STK4: variants seen among roughly 807,000 people sequenced by gnomAD.
STK4 encodes serine/threonine-protein kinase 4.
STK4 carries 30 observed loss-of-function variants against 64.9 expected under a neutral mutation model. That is an observed-to-expected ratio of 0.46 (90% CI 0.35 to 0.63). The LOEUF is 0.63. Ranked by LOEUF, STK4 falls within the 20% of genes least tolerant of loss-of-function variation. STK4 has a pLI of 0.01. For synonymous variants in STK4, 177 were observed against 199.0 expected (o/e 0.89, Z 0.93); for missense variants, 466 against 598.5 (o/e 0.78, Z 2.31).
At chr20:45,002,737 C>T (rs2067863377) in intron 9 of STK4, among the ~76,000 whole-genome samples, 1 of 152,156 alleles carries the variant, frequency 6.6e-6, no homozygotes, top group Non-Finnish European at 1.5e-5. Flanking sequence ...ATTTCAGCCC[C>T]ACCTCACCAA....
At chr20:44,980,092 C>T (rs2067411251) in intron 3 of STK4, among the ~76,000 whole-genome samples, 2 of 152,102 alleles carry the variant, frequency 1.3e-5, no homozygotes, top group African/African-American at 4.8e-5. Context: ...ACTAATTGGA[C>T]AGGCTAAGTA....
At chr20:45,047,186 A>G (rs2145430598) in intron 10 of STK4, among the ~76,000 whole-genome samples, 1 of 152,288 alleles carries the variant, frequency 6.6e-6, no homozygotes, top group East Asian at 1.9e-4. Context: ...TAAATGTTTT[A>G]TACCATCTTC....
chr20:44,976,576 A>G (rs74648105), intron 2 of STK4, among the ~76,000 whole-genome samples: 3 of 152,226 alleles, frequency 2.0e-5, no homozygotes, highest in Non-Finnish European at 4.4e-5. Flanking sequence ...GAACACTGCA[A>G]CAACAGTGCT....
At chr20:44,989,155 G>A (rs2067589725) in intron 5 of STK4, among the ~76,000 whole-genome samples, 1 of 152,176 alleles carries the variant, frequency 6.6e-6, no homozygotes, top group Admixed American at 6.5e-5. Flanking sequence ...GGATCACATG[G>A]TAACTCTGTG....
chr20:44,980,680 T>C lies in STK4; in HGVS notation c.246-1149T>C, dbSNP rs191537852. Among the ~76,000 whole-genome samples, 21 of 152,368 alleles carry C rather than the reference T, an allele frequency of 1.4e-4. No individual in the cohort carries two copies. In the East Asian group the frequency reaches 4.0e-3, roughly 29 times the overall value. On this transcript the variant is annotated intron_variant, in intron 3 of 10. Coordinates refer to ENST00000372806, the MANE Select transcript of STK4 (RefSeq NM_006282.5). ...TGGAGAAATCATCATTTTTTCTTTT[T>C]TTTGAGACGGAGTCTCCTCACTCTG... is the stretch of plus-strand genomic sequence containing the variant.
At chr20:45,051,064 T>C (rs2068769489) in intron 10 of STK4, among the ~76,000 whole-genome samples, 2 of 152,218 alleles carry the variant, frequency 1.3e-5, no homozygotes, top group Admixed American at 6.5e-5. Context: ...AACTTTCCAC[T>C]TCAAACTCTG....
chr20:45,006,070 C>T (rs2067937739), intron 9 of STK4, among the ~76,000 whole-genome samples: 1 of 150,292 alleles, frequency 6.7e-6, no homozygotes, highest in Non-Finnish European at 1.5e-5. Context: ...AACTTATTGT[C>T]TCTATGTTGG....
At chr20:44,988,387 C>T (rs6130722) in intron 5 of STK4, among the ~76,000 whole-genome samples, 18,781 of 150,822 alleles carry the variant, frequency 0.12, 1,536 homozygotes, top group East Asian at 0.22. Context: ...TGGTAGCGCA[C>T]GCCTGTAATC....
In STK4 at chr20:45,025,025, A is replaced by G. The variant is rs775761766; in HGVS notation, c.1200A>G (p.Glu400=). ...AACCATCCTTTCTTGAATATTTTGA[A>G]CAAAAAGAAAAGGAAAACCAGATCA... ...PAKPSFLEYF[E]QKEKENQINS... Residue 400 remains glutamate, a synonymous_variant, in exon 10 of 11, where the codon GAA becomes GAG. Transcript: ENST00000372806. The G allele has an allele frequency of 1.9e-6, 3 of 1,613,620 alleles. No homozygotes were observed. The highest frequency in any genetic ancestry group is 2.5e-6 in the Non-Finnish European group (3 of 1,179,782).
intron 10 of STK4, among the ~76,000 whole-genome samples, chr20:45,041,215 A>G (rs2068607921): frequency 6.6e-6 from 1 of 152,176 alleles, no homozygotes; most frequent in African/African-American, 2.4e-5. Context: ...GGGCAAGTCT[A>G]CAAAACAAAG....
intron 9 of STK4, among the ~76,000 whole-genome samples, chr20:45,011,048 A>G (rs754862037): frequency 6.6e-6 from 1 of 152,190 alleles, no homozygotes; most frequent in Admixed American, 6.5e-5. Flanking sequence ...ACCATGGTCC[A>G]CGTTACTTGG....
Position 45,022,927 on chromosome 20 carries a change from G to A in STK4, c.1148-2046G>A, listed in dbSNP as rs544332212. Among the ~76,000 whole-genome samples, 66 of 152,358 alleles carry A rather than the reference G, an allele frequency of 4.3e-4. 3 individuals are homozygous for A. In the South Asian group the frequency reaches 0.014, roughly 32 times the overall value. On this transcript the variant is annotated intron_variant, in intron 9 of 10. Transcript: ENST00000372806. ...GTGAATGACAGAAATAATGAGACAAGAGAGGTTGGTGCGTGATATATGCAG... is the reference window on the plus strand; with the variant it reads ...GTGAATGACAGAAATAATGAGACAAAAGAGGTTGGTGCGTGATATATGCAG...
At chr20:45,033,118 C>T (rs536621288) in intron 10 of STK4, among the ~76,000 whole-genome samples, 4 of 151,920 alleles carry the variant, frequency 2.6e-5, no homozygotes, top group Admixed American at 2.0e-4. Context: ...TTAATGAGGT[C>T]GTTTGCTTTT....
At position 45,026,128 on chromosome 20, in the gene STK4, G is replaced by GGTTTTTTTTT. The variant is rs1490924969; in HGVS notation, c.1305+998_1305+999insGTTTTTTTTT. 1.5e-3 allele frequency among the ~76,000 whole-genome samples: 194 copies of GGTTTTTTTTT among 128,916 alleles called. 2 individuals are homozygous for GGTTTTTTTTT. Among genetic ancestry groups the GGTTTTTTTTT allele is most frequent in the African/African-American group, 5.5e-3 (184 of 33,424 alleles). The allele number at this position is 128,916 out of a possible 152,430, so 84.6% of individuals were successfully genotyped here. A position where few individuals can be genotyped will look rare whatever the true frequency, so the allele number is the denominator to read the frequency against. On this transcript the variant is annotated intron_variant, in intron 10 of 10. Coordinates refer to ENST00000372806, the MANE Select transcript of STK4 (RefSeq NM_006282.5). ...TGTTCATTTACTTACTTATCCAGTG[G>GGTTTTTTTTT]TTTTTTTTTTTTTTTTTGGATGTCA...
At chr20:45,045,731 G>C (rs953155213) in intron 10 of STK4, among the ~76,000 whole-genome samples, 4 of 151,570 alleles carry the variant, frequency 2.6e-5, no homozygotes, top group Admixed American at 2.0e-4. Flanking sequence ...TTCTTTTGCT[G>C]TTCTTTCTTA....
chr20:45,012,096 C>T (rs932266315), intron 9 of STK4, among the ~76,000 whole-genome samples: 2 of 149,950 alleles, frequency 1.3e-5, no homozygotes, highest in Admixed American at 6.7e-5. Flanking sequence ...AGTGCAGTGG[C>T]GCGATCTCAG....
chr20:45,005,645 C>G (rs1365757429), intron 9 of STK4, among the ~76,000 whole-genome samples: 2 of 104,922 alleles, frequency 1.9e-5, no homozygotes, highest in Non-Finnish European at 3.6e-5. Flanking sequence ...GAGACTCTGT[C>G]TCAAAAAAAA....
intron 10 of STK4, among the ~76,000 whole-genome samples, chr20:45,031,174 A>AT (rs11476805): frequency 4.2e-4 from 62 of 149,362 alleles, no homozygotes; most frequent in East Asian, 2.6e-3. Context: ...ATAATAGCGA[A>AT]TTTTTTTTTT....
chr20:44,970,889 TTGTG>T (rs60332680), intron 1 of STK4, among the ~76,000 whole-genome samples: 33 of 148,144 alleles, frequency 2.2e-4, no homozygotes, highest in Admixed American at 1.3e-3. Context: ...AGGTACACAT[TTGTG>T]TGTGTGTGTG....
Sources: gnomAD v4.1 joint callset for allele counts (sites outside exome capture counted in the v4.1 genomes callset) on GRCh38, gnomAD v4.1.1 for gene constraint, MANE v1.5 for transcripts, NCBI Gene and HGNC (gene_info 2026-07-23, HGNC 2026-07-21) for gene names.